MOV10L1: variants seen among roughly 807,000 people sequenced by gnomAD.
MOV10L1 encodes the protein RNA helicase Mov10l1.
MOV10L1 carries 110 observed loss-of-function variants against 143.8 expected under a neutral mutation model. That is an observed-to-expected ratio of 0.76 (90% CI 0.66 to 0.90). The LOEUF (loss-of-function observed/expected upper bound fraction) is 0.90. Among genes scored for constraint, MOV10L1 ranks in the 40% least tolerant of loss-of-function variants. The pLI is 0.00. For missense variants in MOV10L1, 1,406 were observed against 1,526.8 expected (o/e 0.92, Z 1.32); for synonymous variants, 593 against 581.1 (o/e 1.02, Z -0.29).
In MOV10L1 at chr22:50,143,174, C is replaced by A; in HGVS notation, c.2311C>A (p.Pro771Thr). Residue 771 changes from proline (P) to threonine (T), a missense_variant, in exon 17 of 27, where the codon CCT (proline) becomes ACT (threonine). Pro to Thr is a conservative substitution (Grantham distance 38). Transcript: ENST00000262794. ...CRPLPYILFG[P>T]PGTGKTVTII... The stretch of plus-strand genomic sequence containing the variant: ...TCCCCTCCCGTATATTCTCTTTGGA[C>A]CTCCTGGTACTGGAAAGACAGTGAC... 1 of 1,614,146 alleles carries A rather than the reference C, an allele frequency of 6.2e-7. No individual in the cohort carries two copies. The highest frequency in any genetic ancestry group is 8.5e-7 in the Non-Finnish European group (1 of 1,180,028).
intron 3 of MOV10L1, among the ~76,000 whole-genome samples, chr22:50,106,262 A>AT (rs1158997773): frequency 6.6e-6 from 1 of 150,380 alleles, no homozygotes; most frequent in Non-Finnish European, 1.5e-5. Flanking sequence ...GGCTTAAGTC[A>AT]TCCCACCTTA....
At chr22:50,143,254 C>T in intron 17 of MOV10L1, 33 bp downstream of exon 17, 1 of 1,602,632 alleles carries the variant, frequency 6.2e-7, no homozygotes, top group South Asian at 1.1e-5. Flanking sequence ...TGCTGTGGCT[C>T]TGTGCTGCTG....
At chr22:50,105,534 T>C (rs2061845881) in intron 3 of MOV10L1, among the ~76,000 whole-genome samples, 1 of 152,232 alleles carries the variant, frequency 6.6e-6, no homozygotes. Flanking sequence ...TGTTTTTCCA[T>C]GTTCCTGCTC....
chr22:50,156,053 T>TTCA (rs553956384), intron 22 of MOV10L1, among the ~76,000 whole-genome samples: 1 of 150,242 alleles, frequency 6.7e-6, no homozygotes, highest in African/African-American at 2.4e-5. Context: ...CCCTGTCTCA[T>TTCA]TCATTCATTC....
At chr22:50,134,117 G>T in intron 14 of MOV10L1, 52 bp downstream of exon 14, 1 of 1,439,554 alleles carries the variant, frequency 6.9e-7, no homozygotes, top group Non-Finnish European at 9.5e-7. Context: ...TATTTTTATA[G>T]GCTTCATGTA....
chr22:50,130,309 G>A (rs2062635210), intron 13 of MOV10L1, among the ~76,000 whole-genome samples: 1 of 151,826 alleles, frequency 6.6e-6, no homozygotes, highest in South Asian at 2.1e-4. Context: ...ATATATATAT[G>A]TCTTTTTATT....
At chr22:50,118,296 T>C (rs2062238600) in intron 9 of MOV10L1, among the ~76,000 whole-genome samples, 1 of 151,980 alleles carries the variant, frequency 6.6e-6, no homozygotes, top group Non-Finnish European at 1.5e-5. Flanking sequence ...ACTCTGAGCC[T>C]TGTTCTCATT....
In MOV10L1 at chr22:50,125,436, G is replaced by C; in HGVS notation, c.1614G>C (p.Leu538=). 6.2e-7 allele frequency: 1 copy of C among 1,614,208 alleles called. No individual in the cohort carries two copies. The highest frequency in any genetic ancestry group is 1.7e-5 in the Admixed American group (1 of 60,024). The change falls in exon 11 of 27, where the codon CTG becomes CTC. Residue 538 remains leucine, a synonymous_variant. Transcript: ENST00000262794. Reference sequence around the variant, plus strand: ...ACAAGGAGAAGTTTTCGACTTTGCTGTGGCTTGAGGAGATTTATGCAGAAA... The same window carrying C: ...ACAAGGAGAAGTTTTCGACTTTGCTCTGGCTTGAGGAGATTTATGCAGAAA... The part of the protein sequence containing the change: ...SNYKEKFSTL[L]WLEEIYAEME...
At position 50,090,070 on chromosome 22, in the gene MOV10L1, C is replaced by CGGT; in HGVS notation, c.-19_-18insGGT. On this transcript the variant is annotated 5_prime_UTR_variant, in exon 1 of 27. Transcript: ENST00000262794. ...GCGGCGGCAGCGGCGGTGACGGCAG[C>CGGT]CTAGGCCGGGCGAGGGCCATGCTGA... The CGGT allele has an allele frequency of 8.9e-6, 11 of 1,231,564 alleles. No homozygotes were observed. The highest frequency in any genetic ancestry group is 1.1e-5 in the Non-Finnish European group (11 of 987,354). The allele number at this position is 1,231,564 out of a possible 1,614,324, so 76.3% of individuals were successfully genotyped here.
intron 22 of MOV10L1, among the ~76,000 whole-genome samples, chr22:50,154,672 A>C (rs2063382192): frequency 6.6e-6 from 1 of 152,228 alleles, no homozygotes; most frequent in Admixed American, 6.5e-5. Flanking sequence ...GGCGGAGAAG[A>C]GTCATGAAGC....
intron 5 of MOV10L1, among the ~76,000 whole-genome samples, chr22:50,113,167 A>G (rs955548242): frequency 6.6e-5 from 10 of 152,148 alleles, no homozygotes; most frequent in African/African-American, 2.4e-4. Flanking sequence ...GGGAAAGGTA[A>G]AATCTCATCT....
At chr22:50,153,700 C>T (rs2063355575) in intron 22 of MOV10L1, among the ~76,000 whole-genome samples, 1 of 152,208 alleles carries the variant, frequency 6.6e-6, no homozygotes, top group South Asian at 2.1e-4. Context: ...TGACGGGCCA[C>T]CACCCCCTCT....
At chr22:50,137,767 ATT>A (rs1381069503) in intron 15 of MOV10L1, among the ~76,000 whole-genome samples, 2 of 144,670 alleles carry the variant, frequency 1.4e-5, no homozygotes, top group Non-Finnish European at 3.0e-5. Flanking sequence ...AAATATACAT[ATT>A]TTATATATAT....
chr22:50,101,075 G>A (rs2061732388), intron 3 of MOV10L1, among the ~76,000 whole-genome samples: 1 of 152,082 alleles, frequency 6.6e-6, no homozygotes, highest in Admixed American at 6.5e-5. Context: ...AAGTCCATTT[G>A]CACAGCCCAC....
Position 50,158,454 on chromosome 22 carries a change from C to A in MOV10L1, c.3216+248C>A. Reference sequence around the variant, plus strand: ...CAGTTTTTACATTTCTAAATGGTTACATTTATATGTCCCTTGATATTTGGC... The same window carrying A: ...CAGTTTTTACATTTCTAAATGGTTAAATTTATATGTCCCTTGATATTTGGC... On this transcript the variant is annotated intron_variant, in intron 23 of 26. Transcript: ENST00000262794. The surrounding 1 kb of genome is among the most constrained non-coding windows in gnomAD (Gnocchi z 5.0). 2.0e-6 allele frequency: 1 copy of A among 510,040 alleles called. No homozygotes were observed. The highest frequency in any genetic ancestry group is 3.5e-6 in the Non-Finnish European group (1 of 289,182). 31.6% of individuals were successfully genotyped at this position (510,040 alleles called of 1,614,324 possible). A position where few individuals can be genotyped will look rare whatever the true frequency, so the allele number is the denominator to read the frequency against.
chr22:50,156,031 G>C (rs190765998), intron 22 of MOV10L1, among the ~76,000 whole-genome samples: 2 of 152,048 alleles, frequency 1.3e-5, no homozygotes, highest in African/African-American at 2.4e-5. Flanking sequence ...TAGTCTGGGC[G>C]ACAGAGTGAA....
At chr22:50,129,987 TA>T (rs2062625667) in intron 13 of MOV10L1, among the ~76,000 whole-genome samples, 1 of 152,192 alleles carries the variant, frequency 6.6e-6, no homozygotes, top group African/African-American at 2.4e-5. Context: ...TTTAGCTTTT[TA>T]AAAAGTATCT....
rs1172095151 is a variant in MOV10L1, at chr22:50,092,053, T to C, written c.150T>C (p.Asp50=). The C allele has an allele frequency of 2.5e-6, 4 of 1,614,056 alleles. No individual in the cohort carries two copies. The highest frequency in any genetic ancestry group is 2.5e-6 in the Non-Finnish European group (3 of 1,180,040). ...GTGTCGTGACAAGGTACTGCAGCGATTATGGCATGATTGATGATATGATCT... is the reference window on the plus strand; with the variant it reads ...GTGTCGTGACAAGGTACTGCAGCGACTATGGCATGATTGATGATATGATCT... ...VRGVVTRYCS[D]YGMIDDMIYF... The change falls in exon 2 of 27, where the codon GAT becomes GAC. Residue 50 remains aspartate, a synonymous_variant. Transcript: ENST00000262794.
Position 50,157,980 on chromosome 22 carries a change from C to T in MOV10L1, c.3067-77C>T, listed in dbSNP as rs189965434. Reference sequence around the variant, plus strand: ...CATATTCAGTGTGTATTCCCAGCACCGACTTCAGCTCCTGGATTGTAGCCT... The same window carrying T: ...CATATTCAGTGTGTATTCCCAGCACTGACTTCAGCTCCTGGATTGTAGCCT... On this transcript the variant is annotated intron_variant, in intron 22 of 26. Transcript: ENST00000262794. 9.9e-6 allele frequency: 15 copies of T among 1,521,948 alleles called. No individual in the cohort carries two copies. In the South Asian group the frequency reaches 1.1e-4, roughly 11 times the overall value. 94.3% of individuals were successfully genotyped at this position (1,521,948 alleles called of 1,614,324 possible).
Sources: gnomAD v4.1 joint callset for allele counts (sites outside exome capture counted in the v4.1 genomes callset) on GRCh38, gnomAD v4.1.1 for gene constraint, Gnocchi (gnomAD v3.1) non-coding constraint, MANE v1.5 for transcripts, NCBI Gene and HGNC (gene_info 2026-07-23, HGNC 2026-07-21) for gene names.